The following LDB2 variants were observed in gnomAD, a reference collection of about 807,000 sequenced individuals.
The protein encoded by LDB2 is LIM domain-binding protein 2.
Under a neutral mutation model 44.3 loss-of-function variants are expected in LDB2, and 12 were observed. That is an observed-to-expected ratio of 0.27 (90% CI 0.17 to 0.44). The LOEUF is 0.44. Ranked by LOEUF, LDB2 falls within the 20% of genes least tolerant of loss-of-function variation. The pLI, the probability that LDB2 is intolerant of heterozygous loss-of-function variation, is 1.00. For synonymous variants in LDB2, 164 were observed against 174.8 expected (o/e 0.94, Z 0.49); for missense variants, 344 against 473.5 (o/e 0.73, Z 2.54).
chr4:16,618,835 CA>C (rs1323903834), intron 2 of LDB2, among the ~76,000 whole-genome samples: 1 of 152,162 alleles, frequency 6.6e-6, no homozygotes, highest in African/African-American at 2.4e-5. Flanking sequence ...AAAGGAATCA[CA>C]GGGGTGGATT....
At position 16,676,540 on chromosome 4, in the gene LDB2, A is replaced by T. The variant is rs146128023; in HGVS notation, c.236-80665T>A. Among the ~76,000 whole-genome samples the T allele has an allele frequency of 2.6e-4, 40 of 152,348 alleles. No individual in the cohort carries two copies. In the East Asian group the frequency reaches 7.7e-3, roughly 29 times the overall value. ...TGTCAAGTGCTGTGGGGAATTACACAGAAGAGGAAAAAAATCTATCAACCA... is the reference window on the plus strand; with the variant it reads ...TGTCAAGTGCTGTGGGGAATTACACTGAAGAGGAAAAAAATCTATCAACCA... On this transcript the variant is annotated intron_variant, in intron 2 of 7. Coordinates refer to ENST00000304523, the MANE Select transcript of LDB2 (RefSeq NM_001290.5).
At chr4:16,785,709 C>G (rs1774280347) in intron 1 of LDB2, among the ~76,000 whole-genome samples, 1 of 152,194 alleles carries the variant, frequency 6.6e-6, no homozygotes, top group Non-Finnish European at 1.5e-5. Flanking sequence ...GGCTCACACT[C>G]CTAAGTCTGC....
At chr4:16,630,948 G>A (rs933983997) in intron 2 of LDB2, among the ~76,000 whole-genome samples, 3 of 152,150 alleles carry the variant, frequency 2.0e-5, no homozygotes, top group Non-Finnish European at 2.9e-5. Flanking sequence ...CAAGTTCTTA[G>A]AGACCTGCAA....
chr4:16,713,614 G>T (rs1035041663), intron 2 of LDB2, among the ~76,000 whole-genome samples: 1 of 152,134 alleles, frequency 6.6e-6, no homozygotes, highest in African/African-American at 2.4e-5. Context: ...ATTAGGTTGG[G>T]ATAATTATTT....
chr4:16,507,223 ACCTTC>A (rs1719824219), intron 7 of LDB2: 1 of 152,156 alleles, frequency 6.6e-6, no homozygotes, highest in Non-Finnish European at 1.5e-5. Context: ...GTAACATGGC[ACCTTC>A]CATTTTAGGC....
In LDB2 at chr4:16,565,314, A is replaced by G. The variant is rs752741186; in HGVS notation, c.615+20608T>C. On this transcript the variant is annotated intron_variant, in intron 5 of 7. Transcript: ENST00000304523. ...GTAAAGAAATTAAAATACTGCCTTG[A>G]GCATCAGTTGCACTGAATAAGCATC... 3.9e-5 allele frequency among the ~76,000 whole-genome samples: 6 copies of G among 152,216 alleles called. No individual in the cohort carries two copies. In the South Asian group the frequency reaches 1.0e-3, roughly 26 times the overall value.
At chr4:16,562,589 C>G (rs1226749142) in intron 5 of LDB2, among the ~76,000 whole-genome samples, 10 of 152,224 alleles carry the variant, frequency 6.6e-5, no homozygotes, top group South Asian at 2.1e-4. Context: ...AGGATGTGGA[C>G]AAATAGGAAC....
In LDB2 at chr4:16,502,345, C is replaced by T. The variant is rs1015963719; in HGVS notation, c.*298G>A. The T allele has an allele frequency of 1.7e-5, 6 of 355,136 alleles. No individual in the cohort carries two copies. Among genetic ancestry groups the T allele is most frequent in the African/African-American group, 1.0e-4 (5 of 49,294 alleles). 22.0% of individuals were successfully genotyped at this position (355,136 alleles called of 1,614,324 possible). On this transcript the variant is annotated 3_prime_UTR_variant, in exon 8 of 8. Coordinates refer to ENST00000304523, the MANE Select transcript of LDB2 (RefSeq NM_001290.5). Reference sequence around the variant, plus strand: ...ATAAAAAGGAAATTCAACACAAACACGTTGTTAAAACCGTGCCAGAAGATG... The same window carrying T: ...ATAAAAAGGAAATTCAACACAAACATGTTGTTAAAACCGTGCCAGAAGATG...
intron 5 of LDB2, among the ~76,000 whole-genome samples, chr4:16,516,034 T>C (rs1030400126): frequency 6.6e-6 from 1 of 151,644 alleles, no homozygotes; most frequent in African/African-American, 2.4e-5. Context: ...CAGCTAATTT[T>C]TTGTATTTTT....
At chr4:16,614,996 G>T (rs1313051836) in intron 2 of LDB2, among the ~76,000 whole-genome samples, 2 of 148,512 alleles carry the variant, frequency 1.3e-5, no homozygotes, top group Admixed American at 6.7e-5. Context: ...CGTGAACCCG[G>T]GAGGTGGAGC....
At chr4:16,688,677 CAG>C (rs1187489800) in intron 2 of LDB2, among the ~76,000 whole-genome samples, 2 of 152,156 alleles carry the variant, frequency 1.3e-5, no homozygotes, top group Admixed American at 6.5e-5. Flanking sequence ...GTGTTCAAAA[CAG>C]AGAATGGGCT....
chr4:16,514,370 A>C (rs1722884277), intron 5 of LDB2, among the ~76,000 whole-genome samples: 1 of 152,186 alleles, frequency 6.6e-6, no homozygotes. Context: ...ACACGACTAG[A>C]ATTTGAGGTC....
intron 1 of LDB2, among the ~76,000 whole-genome samples, chr4:16,891,304 C>CTTTTTTTT (rs559119712): frequency 1.3e-5 from 1 of 77,548 alleles, no homozygotes. Flanking sequence ...CTTAAGTATT[C>CTTTTTTTT]TTTTTTTTTT....
intron 2 of LDB2, among the ~76,000 whole-genome samples, chr4:16,667,500 T>G (rs1743615178): frequency 6.6e-6 from 1 of 152,194 alleles, no homozygotes; most frequent in African/African-American, 2.4e-5. Context: ...CTCCATTTGA[T>G]GCTCCTGCTA....
intron 2 of LDB2, among the ~76,000 whole-genome samples, chr4:16,688,125 C>G (rs1052365718): frequency 1.3e-5 from 2 of 152,190 alleles, no homozygotes; most frequent in African/African-American, 2.4e-5. Flanking sequence ...GGAATTTGAA[C>G]TTGAAAAACC....
At chr4:16,857,480 C>A (rs149712421) in intron 1 of LDB2, among the ~76,000 whole-genome samples, 1 of 152,212 alleles carries the variant, frequency 6.6e-6, no homozygotes, top group Non-Finnish European at 1.5e-5. Context: ...AAAAGCTCAA[C>A]TCAGAAGCCT....
chr4:16,573,474 A>G (rs530005301), intron 5 of LDB2, among the ~76,000 whole-genome samples: 2 of 152,358 alleles, frequency 1.3e-5, no homozygotes, highest in South Asian at 2.1e-4. Context: ...GTCATGCACT[A>G]TCAGTCTACC....
At chr4:16,764,661 A>G (rs925538872) in intron 1 of LDB2, among the ~76,000 whole-genome samples, 2 of 152,190 alleles carry the variant, frequency 1.3e-5, no homozygotes, top group Non-Finnish European at 2.9e-5. Context: ...ATTTGAAAGA[A>G]AAGATACTAA....
In LDB2 at chr4:16,664,732, T is replaced by G. The variant is rs143880535; in HGVS notation, c.236-68857A>C. ...AATAATGGATCAATCTGAATTACCTTCCATTCTTTCCCCACCTTTCAGGTG... is the reference window on the plus strand; with the variant it reads ...AATAATGGATCAATCTGAATTACCTGCCATTCTTTCCCCACCTTTCAGGTG... On this transcript the variant is annotated intron_variant, in intron 2 of 7. Transcript: ENST00000304523. Among the ~76,000 whole-genome samples the G allele has an allele frequency of 1.5e-3, 222 of 152,350 alleles. 1 individual carries two copies. Among genetic ancestry groups the G allele is most frequent in the African/African-American group, 5.0e-3 (210 of 41,594 alleles).
Sources: allele counts gnomAD v4.1 joint callset (sites outside exome capture counted in the v4.1 genomes callset), GRCh38; gene constraint gnomAD v4.1.1; transcripts MANE v1.5; gene names NCBI Gene and HGNC (gene_info 2026-07-23, HGNC 2026-07-21).